The following RBM15 variants were observed in gnomAD, a reference collection of about 807,000 sequenced individuals.
RBM15 encodes the protein RNA binding motif protein 15.
In RBM15, 8 loss-of-function variants were observed where a neutral mutation model predicts 62.6. The observed-to-expected ratio is 0.13, with a 90% confidence interval of 0.07 to 0.23. The LOEUF is 0.23. Among genes scored for constraint, RBM15 ranks in the 10% least tolerant of loss-of-function variants. The pLI is 1.00. For missense variants in RBM15, 1,144 were observed against 1,286.5 expected, an observed-to-expected ratio of 0.89 and a Z score of 1.69; for synonymous variants, 606 against 505.7, an observed-to-expected ratio of 1.20 and a Z score of -2.66.
In RBM15 at chr1:110,339,900, C is replaced by T. The variant is rs528144769; in HGVS notation, c.495C>T (p.Asp165=). 2.5e-6 allele frequency: 4 copies of T among 1,605,054 alleles called. No individual in the cohort carries two copies. The East Asian group carries it at 6.7e-5, about 27-fold the overall frequency. ...GAASSAPGGG[D]GAEYKTLKIS... ...CCTCCTCAGCTCCCGGCGGCGGGGACGGCGCGGAATACAAGACTCTGAAGA... is the reference window on the plus strand; with the variant it reads ...CCTCCTCAGCTCCCGGCGGCGGGGATGGCGCGGAATACAAGACTCTGAAGA... The change falls in exon 1 of 3, where the codon GAC becomes GAT. Residue 165 remains aspartate (D), a synonymous_variant. Coordinates refer to ENST00000369784, the MANE Select transcript of RBM15 (RefSeq NM_022768.5).
rs781269796 is a variant in RBM15 at position 110,339,402 on chromosome 1, G to A, written c.-4G>A. The A allele has an allele frequency of 2.6e-6, 4 of 1,511,392 alleles. No homozygotes were observed. The African/African-American group carries it at 4.2e-5, about 16-fold the overall frequency. 93.6% of individuals were successfully genotyped at this position (1,511,392 alleles called of 1,614,324 possible). A position where few individuals can be genotyped will look rare whatever the true frequency, so the allele number is the denominator to read the frequency against. On this transcript the variant is annotated 5_prime_UTR_variant, in exon 1 of 3. Coordinates refer to ENST00000369784, the MANE Select transcript of RBM15 (RefSeq NM_022768.5). ...GAGACTGTAGAAGAGAGAGCAATTGGCCAATGAGGACTGCGGGGCGGGACC... is the reference window on the plus strand; with the variant it reads ...GAGACTGTAGAAGAGAGAGCAATTGACCAATGAGGACTGCGGGGCGGGACC...
intron 1 of RBM15, among the ~76,000 whole-genome samples, chr1:110,343,659 T>G (rs1276447224): frequency 1.3e-5 from 2 of 152,102 alleles, no homozygotes; most frequent in Non-Finnish European, 2.9e-5. Context: ...TAAGTATATT[T>G]TTCTCCCTTG....
Position 110,341,816 on chromosome 1 carries a change from A to G in RBM15, c.2411A>G (p.His804Arg). ...AACAGCAACTTTCCTTCCAACATGC[A>G]TCTGTTGCAGGGTGACCTCCAAGTG... is the stretch of plus-strand genomic sequence containing the variant. ...LKNSNFPSNM[H>R]LLQGDLQVAS... Residue 804 changes from histidine (H) to arginine (R), a missense_variant, in exon 1 of 3, where the codon CAT becomes CGT. His to Arg is a conservative substitution (Grantham distance 29, BLOSUM62 0). Coordinates refer to ENST00000369784, the MANE Select transcript of RBM15 (RefSeq NM_022768.5). This position sits in a 1 kb window ranked among gnomAD's most constrained non-coding sequence, Gnocchi z 4.5. 6.2e-7 allele frequency: 1 copy of G among 1,614,226 alleles called. No homozygotes were observed. Among genetic ancestry groups the G allele is most frequent in the African/African-American group, 1.3e-5 (1 of 75,070 alleles).
rs1258300462 is a variant in RBM15 at position 110,345,541 on chromosome 1, T to C, written c.2866T>C (p.Phe956Leu). Residue 956 changes from phenylalanine to leucine, a missense_variant and splice_region_variant, in exon 2 of 3, where the codon TTT (phenylalanine) becomes CTT (leucine). Physicochemically the swap from Phe to Leu is conservative, Grantham distance 22. Transcript: ENST00000369784. ...DYLVMIIVRG[F>L]GFQIGVRYEN... is the part of the protein sequence containing the mutation. ...TTTTTTTTCTGTCTCTCTCACAGGG[T>C]TTGGTTTTCAGATAGGAGTTAGGTA... 1 of 1,605,776 alleles carries C rather than the reference T, an allele frequency of 6.2e-7. No homozygotes were observed. The highest frequency in any genetic ancestry group is 1.7e-5 in the Admixed American group (1 of 58,994).
Position 110,339,763 on chromosome 1 carries a change from A to G in RBM15, c.358A>G (p.Ser120Gly), listed in dbSNP as rs1660747316. The change falls in exon 1 of 3, where the codon AGT becomes GGT. Residue 120 changes from serine (S) to glycine (G), a missense_variant. By Grantham distance (56) the Ser-to-Gly change is moderately conservative. Coordinates refer to ENST00000369784, the MANE Select transcript of RBM15 (RefSeq NM_022768.5). ...GTATGATACCGGTGGGGGCAGCTCC[A>G]GTAGCCGCTTGCATAGTTATAGCTC... Reference protein sequence around the residue: ...REYDTGGGSSSSRLHSYSSPS... With the variant: ...REYDTGGGSSGSRLHSYSSPS... 8 of 1,610,560 alleles carry G rather than the reference A, an allele frequency of 5.0e-6. No individual in the cohort carries two copies. Among genetic ancestry groups the G allele is most frequent in the Non-Finnish European group, 5.9e-6 (7 of 1,178,080 alleles).
At chr1:110,342,898 T>TC (rs1660831578) in intron 1 of RBM15, among the ~76,000 whole-genome samples, 1 of 152,244 alleles carries the variant, frequency 6.6e-6, no homozygotes, top group Non-Finnish European at 1.5e-5. Context: ...GAGTTCTGTA[T>TC]CCCATATATG....
intron 1 of RBM15, among the ~76,000 whole-genome samples, chr1:110,344,119 C>T (rs1660854621): frequency 1.3e-5 from 2 of 152,180 alleles, no homozygotes; most frequent in Admixed American, 1.3e-4. Flanking sequence ...ATAATGAAGA[C>T]TTTTGATGCT....
At chr1:110,344,436 G>A (rs1019544476) in intron 1 of RBM15, among the ~76,000 whole-genome samples, 1 of 151,922 alleles carries the variant, frequency 6.6e-6, no homozygotes, top group Non-Finnish European at 1.5e-5. Context: ...TAGTGTGACA[G>A]CGTACAGAAG....
chr1:110,342,252 C>A lies in RBM15; in HGVS notation c.2847C>A (p.Val949=), dbSNP rs1273602121. Residue 949 remains valine, a synonymous_variant, in exon 1 of 3, where the codon GTC becomes GTA. Coordinates refer to ENST00000369784, the MANE Select transcript of RBM15 (RefSeq NM_022768.5). Reference sequence around the variant, plus strand: ...CCAAATCTGAAGAAGATTACCTGGTCATGATCATTGTCCGTGGTGCGTCCT... The same window carrying A: ...CCAAATCTGAAGAAGATTACCTGGTAATGATCATTGTCCGTGGTGCGTCCT... ...ALAKSEEDYL[V]MIIVRGFGFQ... 2 of 1,587,192 alleles carry A rather than the reference C, an allele frequency of 1.3e-6. No individual in the cohort carries two copies. The highest frequency in any genetic ancestry group is 1.1e-5 in the South Asian group (1 of 87,730).
chr1:110,341,173 C>T lies in RBM15; in HGVS notation c.1768C>T (p.Pro590Ser). 1 of 1,614,052 alleles carries T rather than the reference C, an allele frequency of 6.2e-7. No individual in the cohort carries two copies. The highest frequency in any genetic ancestry group is 8.5e-7 in the Non-Finnish European group (1 of 1,179,960). The change falls in exon 1 of 3, where the codon CCA becomes TCA. Residue 590 changes from proline to serine, a missense_variant. By Grantham distance (74) the Pro-to-Ser change is moderately conservative. Coordinates refer to ENST00000369784, the MANE Select transcript of RBM15 (RefSeq NM_022768.5). The surrounding 1 kb of genome is among the most constrained non-coding windows in gnomAD (Gnocchi z 4.5). ...TCCTGACTCTGATTGGGTGCCACCC[C>T]CACCCCCAGTCCGAGAACGCAGCAC... ...LYPDSDWVPP[P>S]PPVRERSTRT...
intron 1 of RBM15, among the ~76,000 whole-genome samples, chr1:110,344,960 T>C (rs1660870975): frequency 6.6e-6 from 1 of 152,232 alleles, no homozygotes; most frequent in Non-Finnish European, 1.5e-5. Context: ...TCAAATTTTA[T>C]GGAAAATTAA....
chr1:110,342,513 A>G (rs961300766), intron 1 of RBM15: 3 of 401,030 alleles, frequency 7.5e-6, no homozygotes, highest in Non-Finnish European at 1.3e-5. Context: ...AGGCAGACAG[A>G]TTTGCTTTAA....
Position 110,346,353 on chromosome 1 carries a change from A to G in RBM15, c.*86A>G. 6.3e-7 allele frequency: 1 copy of G among 1,598,188 alleles called. No individual in the cohort carries two copies. The highest frequency in any genetic ancestry group is 8.5e-7 in the Non-Finnish European group (1 of 1,179,630). On this transcript the variant is annotated 3_prime_UTR_variant, in exon 3 of 3. Coordinates refer to ENST00000369784, the MANE Select transcript of RBM15 (RefSeq NM_022768.5). The stretch of plus-strand genomic sequence containing the variant: ...ATGAAGATATGGAATTCAAAGCTCT[A>G]ATGGACCTTTTTGAAGAGAAGTTGT...
At position 110,341,468 on chromosome 1, in the gene RBM15, A is replaced by G. The variant is rs145953769; in HGVS notation, c.2063A>G (p.Asn688Ser). Residue 688 changes from asparagine to serine, a missense_variant, in exon 1 of 3, where the codon AAT (asparagine) becomes AGT (serine). Physicochemically the swap from Asn to Ser is conservative, Grantham distance 46. This residue lies in a region of RBM15 where 360 missense variants were observed against 342.9 expected (regional missense o/e 1.05). Transcript: ENST00000369784. This position sits in a 1 kb window ranked among gnomAD's most constrained non-coding sequence, Gnocchi z 4.5. ...AGCCGGGATCGTTACAACAGCGACA[A>G]TGATCGATCTTCCCGTCTTCTCTTG... ...SSSRDRYNSD[N>S]DRSSRLLLER... 1.2e-5 allele frequency: 19 copies of G among 1,613,970 alleles called. No homozygotes were observed. In the African/African-American group the frequency reaches 1.6e-4, roughly 14 times the overall value.
Position 110,340,952 on chromosome 1 carries a change from G to T in RBM15, c.1547G>T (p.Gly516Val), listed in dbSNP as rs569606067. ...ACCCATATGCGGGGCTTCCCACTTG[G>T]TGGCCCAGATCGACGCCTTAGAGTA... ...AWTHMRGFPL[G>V]GPDRRLRVDF... Residue 516 changes from glycine to valine, a missense_variant, in exon 1 of 3, where the codon GGT becomes GTT. This residue lies in a region of RBM15 where 105 missense variants were observed against 193.6 expected (regional missense o/e 0.54). Coordinates refer to ENST00000369784, the MANE Select transcript of RBM15 (RefSeq NM_022768.5). This position sits in a 1 kb window ranked among gnomAD's most constrained non-coding sequence, Gnocchi z 5.8. The T allele has an allele frequency of 1.9e-6, 3 of 1,614,248 alleles. No homozygotes were observed. The highest frequency in any genetic ancestry group is 2.5e-6 in the Non-Finnish European group (3 of 1,180,048).
In RBM15 at chr1:110,341,531, T is replaced by C. The variant is rs760089685; in HGVS notation, c.2126T>C (p.Leu709Ser). The change falls in exon 1 of 3, where the codon TTG becomes TCG. Residue 709 changes from leucine (L) to serine (S), a missense_variant. By Grantham distance (145) the Leu-to-Ser change is moderately radical (BLOSUM62 -2). Transcript: ENST00000369784. This position sits in a 1 kb window ranked among gnomAD's most constrained non-coding sequence, Gnocchi z 4.5. ...PSPIRDRRGSLEKSQGDKRDR... is the reference protein window; with the variant it reads ...PSPIRDRRGSSEKSQGDKRDR... Reference sequence around the variant, plus strand: ...CCAATCAGAGACAGACGAGGTAGTTTGGAGAAGAGCCAGGGTGACAAGCGA... The same window carrying C: ...CCAATCAGAGACAGACGAGGTAGTTCGGAGAAGAGCCAGGGTGACAAGCGA... 1.2e-6 allele frequency: 2 copies of C among 1,614,018 alleles called. No individual in the cohort carries two copies. The highest frequency in any genetic ancestry group is 2.2e-5 in the South Asian group (2 of 91,078).
chr1:110,345,061 A>T (rs897576812), intron 1 of RBM15, among the ~76,000 whole-genome samples: 1 of 152,156 alleles, frequency 6.6e-6, no homozygotes, highest in Non-Finnish European at 1.5e-5. Context: ...CAAAGTTTTA[A>T]ATTTCTGGTG....
Position 110,346,295 on chromosome 1 carries a change from C to A in RBM15, c.*41-13C>A, listed in dbSNP as rs769509439. On this transcript the variant is annotated splice_polypyrimidine_tract_variant and intron_variant, in intron 2 of 2. Transcript: ENST00000369784. ...TTTGTACTGAATAACCTTTTTTTCC[C>A]CCCCTCCGCAAGCAAAACTGGTTGA... 4 of 1,595,474 alleles carry A rather than the reference C, an allele frequency of 2.5e-6. No homozygotes were observed. Among genetic ancestry groups the A allele is most frequent in the Non-Finnish European group, 3.4e-6 (4 of 1,178,740 alleles).
chr1:110,341,398 C>T lies in RBM15; in HGVS notation c.1993C>T (p.Arg665Cys). The T allele has an allele frequency of 2.5e-6, 4 of 1,614,132 alleles. No individual in the cohort carries two copies. Among genetic ancestry groups the T allele is most frequent in the Non-Finnish European group, 3.4e-6 (4 of 1,180,016 alleles). Residue 665 changes from arginine (R) to cysteine (C), a missense_variant, in exon 1 of 3, where the codon CGT becomes TGT. By Grantham distance (180) the Arg-to-Cys change is radical. Around this residue, in one of 8 missense-constraint regions of RBM15, gnomAD observed 360 missense variants for 342.9 expected, o/e 1.05. Coordinates refer to ENST00000369784, the MANE Select transcript of RBM15 (RefSeq NM_022768.5). This position sits in a 1 kb window ranked among gnomAD's most constrained non-coding sequence, Gnocchi z 4.5. ...TCCTGAGAGTGACCGCCCACGAAAA[C>T]GTCACTGCGCTCCTTCTCCTGACCG... ...RSPESDRPRK[R>C]HCAPSPDRSP...
Sources: allele counts gnomAD v4.1 joint callset (sites outside exome capture counted in the v4.1 genomes callset), GRCh38; gene constraint gnomAD v4.1.1; regional missense constraint gnomAD v4.1.1; non-coding constraint Gnocchi (gnomAD v3.1); transcripts MANE v1.5; gene names NCBI Gene and HGNC (gene_info 2026-07-23, HGNC 2026-07-21).